Variants in ADGRV1 observed in about 807,000 individuals in gnomAD.
ADGRV1 encodes the protein G-protein coupled receptor 98.
In ADGRV1, 359 loss-of-function variants were observed where a neutral mutation model predicts 596.2. The ratio of observed to expected loss-of-function variants is 0.60; its 90% CI spans 0.55 to 0.66. The LOEUF (loss-of-function observed/expected upper bound fraction) is 0.66, where lower values mean the gene tolerates loss of function less well. ADGRV1 is among the 30% of genes least tolerant of loss of function. The pLI, the probability that ADGRV1 is intolerant of heterozygous loss-of-function variation, is 0.00. For missense variants in ADGRV1, 7,274 were observed against 7,575.6 expected (o/e 0.96, Z 1.48); for synonymous variants, 2,681 against 2,679.2 (o/e 1.00, Z -0.02).
At chr5:90,889,413 C>T (rs1770596723) in intron 83 of ADGRV1, among the ~76,000 whole-genome samples, 1 of 151,986 alleles carries the variant, frequency 6.6e-6, no homozygotes, top group Non-Finnish European at 1.5e-5. Flanking sequence ...AAGACTTATT[C>T]AGGGAATGAG....
At chr5:90,777,098 A>T (rs963657291) in intron 61 of ADGRV1, among the ~76,000 whole-genome samples, 1 of 152,180 alleles carries the variant, frequency 6.6e-6, no homozygotes, top group African/African-American at 2.4e-5. Context: ...TGCAGGCTGT[A>T]CAGGAAGCAT....
chr5:90,981,405 C>A (rs1780066556), intron 84 of ADGRV1, among the ~76,000 whole-genome samples: 1 of 152,140 alleles, frequency 6.6e-6, no homozygotes, highest in Non-Finnish European at 1.5e-5. Context: ...TGACTTTTCC[C>A]TTTAGCTTAG....
chr5:90,804,437 G>A (rs1761709217), intron 71 of ADGRV1, among the ~76,000 whole-genome samples: 2 of 151,968 alleles, frequency 1.3e-5, no homozygotes, highest in Non-Finnish European at 2.9e-5. Flanking sequence ...AAGCCTCACT[G>A]TAACAGAGAA....
intron 85 of ADGRV1, among the ~76,000 whole-genome samples, chr5:90,996,230 G>A (rs1427276506): frequency 6.6e-6 from 1 of 152,166 alleles, no homozygotes; most frequent in Non-Finnish European, 1.5e-5. Flanking sequence ...AAGCCCAGAG[G>A]CCTGGGAGGG....
chr5:91,072,413 G>C lies in ADGRV1; in HGVS notation c.18153-34G>C, dbSNP rs752450454. 16 of 1,584,520 alleles carry C rather than the reference G, an allele frequency of 1.0e-5. No homozygotes were observed. The Admixed American group carries it at 2.5e-4, about 25-fold the overall frequency. ...GCATTTAGAAATATTTGCGCTGAAA[G>C]TGTCTGAGTTACTTCTTCTCATTTC... On this transcript the variant is annotated intron_variant, in intron 85 of 89. Transcript: ENST00000405460.
intron 62 of ADGRV1, 84 bp downstream of exon 62, chr5:90,778,127 G>A (rs1435243548): frequency 1.7e-5 from 24 of 1,397,214 alleles, no homozygotes; most frequent in Non-Finnish European, 2.1e-5. Context: ...GTATGTGTGG[G>A]TGTGTTTGTG....
intron 3 of ADGRV1, 90 bp downstream of exon 3, chr5:90,618,043 G>T: frequency 1.1e-6 from 1 of 948,126 alleles, no homozygotes. Context: ...TATCTATCTA[G>T]AGATGAGCCA....
In ADGRV1 at chr5:90,628,844, G is replaced by A. The variant is rs1765137044; in HGVS notation, c.1509+12G>A. On this transcript the variant is annotated intron_variant, in intron 8 of 89. Transcript: ENST00000405460. ...GCGAGCCAGCGGAGGTATAACCCTT[G>A]TTATGCTTTATGCTTGTTAATATTT... The A allele has an allele frequency of 6.2e-7, 1 of 1,610,944 alleles. No homozygotes were observed. Among genetic ancestry groups the A allele is most frequent in the Non-Finnish European group, 8.5e-7 (1 of 1,177,944 alleles).
intron 48 of ADGRV1, among the ~76,000 whole-genome samples, 165 bp from the exon 49 acceptor site, chr5:90,728,504 G>A (rs1342077259): frequency 2.0e-5 from 3 of 152,196 alleles, no homozygotes; most frequent in Non-Finnish European, 4.4e-5. Flanking sequence ...TTAGATAAGG[G>A]AGAGAGCAGC....
chr5:90,955,677 G>A (rs1489465765), intron 83 of ADGRV1, among the ~76,000 whole-genome samples: 1 of 152,152 alleles, frequency 6.6e-6, no homozygotes, highest in Non-Finnish European at 1.5e-5. Context: ...ACTTGGGAAA[G>A]TGTTCTAACT....
At chr5:91,147,938 T>C (rs911093364) in intron 87 of ADGRV1, among the ~76,000 whole-genome samples, 1 of 152,154 alleles carries the variant, frequency 6.6e-6, no homozygotes, top group Non-Finnish European at 1.5e-5. Flanking sequence ...CAGGCAGAAG[T>C]GGTCTCAGAT....
chr5:90,850,673 A>G (rs1766396730), intron 79 of ADGRV1: 1 of 152,156 alleles, frequency 6.6e-6, no homozygotes, highest in African/African-American at 2.4e-5. Flanking sequence ...CATTTTCCCT[A>G]TATCTCTATA....
rs10051346 is a variant in ADGRV1, at chr5:90,971,670, G to A, written c.17973+6139G>A. Among the ~76,000 whole-genome samples, 18 of 152,104 alleles carry A rather than the reference G, an allele frequency of 1.2e-4. No individual in the cohort carries two copies. The South Asian group carries it at 1.7e-3, about 14-fold the overall frequency. On this transcript the variant is annotated intron_variant, in intron 84 of 89. Transcript: ENST00000405460. ...AAATGCTGAGAGATTTCGTCACCAC[G>A]AGGCCTGCCCTACAAGGGGTCCTGA...
intron 66 of ADGRV1, 32 bp from the exon 67 acceptor site, chr5:90,783,806 G>A (rs974467449): frequency 6.7e-7 from 1 of 1,492,038 alleles, no homozygotes; most frequent in Non-Finnish European, 9.2e-7. Context: ...AATATGTTTA[G>A]ACTCACAGAA....
At chr5:91,115,861 C>T (rs1450818634) in intron 87 of ADGRV1, among the ~76,000 whole-genome samples, 2 of 152,030 alleles carry the variant, frequency 1.3e-5, no homozygotes, top group Admixed American at 1.3e-4. Context: ...GCAGAAGAAT[C>T]GCTTGAACAC....
intron 87 of ADGRV1, 119 bp downstream of exon 87, chr5:91,102,459 A>G: frequency 1.3e-6 from 1 of 783,738 alleles, no homozygotes; most frequent in Non-Finnish European, 1.9e-6. Context: ...ACATAATAAC[A>G]TCATATAGAG....
intron 86 of ADGRV1, among the ~76,000 whole-genome samples, chr5:91,100,509 G>T (rs6894158): frequency 0.017 from 2,607 of 151,792 alleles, 65 homozygotes; most frequent in African/African-American, 0.059. Flanking sequence ...AGGAAGGAAG[G>T]ATGGAAGGAA....
chr5:91,085,689 T>A (rs1789806498), intron 86 of ADGRV1, among the ~76,000 whole-genome samples: 1 of 152,224 alleles, frequency 6.6e-6, no homozygotes, highest in South Asian at 2.1e-4. Context: ...TCTTGGAACT[T>A]GTTTCATTGA....
intron 73 of ADGRV1, 27 bp from the exon 74 acceptor site, chr5:90,810,206 T>G (rs1762308809): frequency 1.3e-6 from 2 of 1,500,766 alleles, no homozygotes; most frequent in Admixed American, 2.4e-5. Context: ...AAAAATCAAT[T>G]TCTTCATGAT....
Sources: gnomAD v4.1 joint callset for allele counts (sites outside exome capture counted in the v4.1 genomes callset) on GRCh38, gnomAD v4.1.1 for gene constraint, MANE v1.5 for transcripts, NCBI Gene and HGNC (gene_info 2026-07-23, HGNC 2026-07-21) for gene names.